The following MYO18B variants were observed in gnomAD, a reference collection of about 807,000 sequenced individuals.
MYO18B encodes the protein myosin XVIIIB.
Under a neutral mutation model 273.0 loss-of-function variants are expected in MYO18B, and 204 were observed. That is an observed-to-expected ratio of 0.75 (90% confidence interval 0.67 to 0.84). The LOEUF (loss-of-function observed/expected upper bound fraction) is 0.84, where lower values mean the gene tolerates loss of function less well. Ranked by LOEUF, MYO18B falls within the 40% of genes least tolerant of loss-of-function variation. The probability of loss-of-function intolerance (pLI) is 0.00; values close to 1 mark genes in which losing one functional copy is unlikely to be tolerated. For missense variants in MYO18B, 3,212 were observed against 3,287.6 expected (o/e 0.98, Z 0.56); for synonymous variants, 1,330 against 1,305.7 (o/e 1.02, Z -0.40).
chr22:25,907,696 G>A (rs749676014), intron 31 of MYO18B, among the ~76,000 whole-genome samples: 11 of 152,076 alleles, frequency 7.2e-5, no homozygotes, highest in South Asian at 2.1e-4. Flanking sequence ...GAAAACCATC[G>A]CTGTTGCCTG....
chr22:25,931,681 CTTTTTTTT>C (rs71311530), intron 34 of MYO18B, among the ~76,000 whole-genome samples: 12 of 123,518 alleles, frequency 9.7e-5, no homozygotes, highest in African/African-American at 1.6e-4. Context: ...TTTCTTTTTT[CTTTTTTTT>C]TTTTTTTTTT....
chr22:25,955,170 C>T lies in MYO18B; in HGVS notation c.5971-9C>T, dbSNP rs1201803689. 4 of 1,590,820 alleles carry T rather than the reference C, an allele frequency of 2.5e-6. No homozygotes were observed. Among genetic ancestry groups the T allele is most frequent in the African/African-American group, 1.3e-5 (1 of 74,538 alleles). On this transcript the variant is annotated splice_polypyrimidine_tract_variant and intron_variant, in intron 38 of 43. Transcript: ENST00000335473. ...CTCCAAGGTGGGCATGTGTCTCTGC[C>T]CCTCCCAGGTCCTGGTGATCCGGCT...
At chr22:25,960,626 C>T (rs2092908001) in intron 39 of MYO18B, among the ~76,000 whole-genome samples, 1 of 152,202 alleles carries the variant, frequency 6.6e-6, no homozygotes, top group African/African-American at 2.4e-5. Flanking sequence ...CTCCCTCTCG[C>T]TCACATAGCT....
intron 39 of MYO18B, among the ~76,000 whole-genome samples, chr22:25,979,041 G>C (rs1408566495): frequency 6.6e-6 from 1 of 152,216 alleles, no homozygotes; most frequent in African/African-American, 2.4e-5. Context: ...GCAAGAGATT[G>C]TATTGATGAG....
At chr22:25,792,497 CTTTTTTTTTTTTTT>C (rs58679561) in intron 11 of MYO18B, among the ~76,000 whole-genome samples, 1 of 107,956 alleles carries the variant, frequency 9.3e-6, no homozygotes, top group Non-Finnish European at 1.7e-5. Context: ...TTTTTCTTTT[CTTTTTTTTTTTTTT>C]TTGAGACAGA....
intron 34 of MYO18B, among the ~76,000 whole-genome samples, chr22:25,927,607 T>G (rs2092439601): frequency 6.6e-6 from 1 of 152,206 alleles, no homozygotes; most frequent in Non-Finnish European, 1.5e-5. Flanking sequence ...TCCACTTGCC[T>G]TGTTGTATTC....
chr22:25,851,203 G>T (rs932009809), intron 20 of MYO18B, among the ~76,000 whole-genome samples: 2 of 152,152 alleles, frequency 1.3e-5, no homozygotes, highest in Non-Finnish European at 2.9e-5. Context: ...TCCAAGAGGC[G>T]GATGAGTGTG....
intron 13 of MYO18B, among the ~76,000 whole-genome samples, 186 bp from the exon 14 acceptor site, chr22:25,826,223 G>A (rs2089484636): frequency 6.6e-6 from 1 of 152,180 alleles, no homozygotes; most frequent in Non-Finnish European, 1.5e-5. Context: ...TACATAGGAC[G>A]CTGTAGGCCC....
chr22:26,019,307 A>G (rs1935620043), intron 42 of MYO18B, among the ~76,000 whole-genome samples: 1 of 152,216 alleles, frequency 6.6e-6, no homozygotes, highest in Admixed American at 6.5e-5. Context: ...GTTGGGAGCC[A>G]TGGGCCTGGG....
Position 25,903,635 on chromosome 22 carries a change from A to G in MYO18B, c.4952A>G (p.Lys1651Arg). 6.2e-7 allele frequency: 1 copy of G among 1,603,016 alleles called. No individual in the cohort carries two copies. The highest frequency in any genetic ancestry group is 8.5e-7 in the Non-Finnish European group (1 of 1,174,608). Residue 1651 changes from lysine to arginine, a missense_variant, in exon 31 of 44, where the codon AAG becomes AGG. Physicochemically the swap from Lys to Arg is conservative, Grantham distance 26. Coordinates refer to ENST00000335473, the MANE Select transcript of MYO18B (RefSeq NM_032608.7). The part of the protein sequence containing the change: ...LGQLQQQLKQ[K>R]EQEASQLKQQ... ...CTGTCCTCTTTGTCTCTGTAGCAAA[A>G]GGAGCAGGAAGCCTCACAGCTGAAG...
At chr22:26,009,761 A>C (rs139607963) in intron 42 of MYO18B, among the ~76,000 whole-genome samples, 3 of 151,924 alleles carry the variant, frequency 2.0e-5, no homozygotes, top group African/African-American at 7.3e-5. Flanking sequence ...CTTATCTCCA[A>C]ATGCCAGGGT....
chr22:26,058,186 A>T, the MYO18B span, among the ~76,000 whole-genome samples: 1 of 152,242 alleles, frequency 6.6e-6, no homozygotes, highest in South Asian at 2.1e-4. Flanking sequence ...TCAAAGTACT[A>T]GGGCAGACCA....
chr22:25,845,272 A>G (rs2090201519), intron 18 of MYO18B, among the ~76,000 whole-genome samples: 1 of 152,204 alleles, frequency 6.6e-6, no homozygotes, highest in Admixed American at 6.5e-5. Context: ...TAATCCTGGC[A>G]CTTTGGGAGG....
chr22:25,858,271 T>C (rs2090631433), intron 21 of MYO18B, among the ~76,000 whole-genome samples: 1 of 152,204 alleles, frequency 6.6e-6, no homozygotes, highest in Admixed American at 6.5e-5. Context: ...TGTATGACCA[T>C]AGGCAACATA....
At chr22:25,783,944 G>A (rs1366185694) in intron 10 of MYO18B, among the ~76,000 whole-genome samples, 2 of 152,130 alleles carry the variant, frequency 1.3e-5, no homozygotes, top group Non-Finnish European at 2.9e-5. Flanking sequence ...AACTTGGTCC[G>A]TCACCCATAT....
At chr22:25,838,538 A>T (rs541240202) in intron 17 of MYO18B, among the ~76,000 whole-genome samples, 105 of 152,334 alleles carry the variant, frequency 6.9e-4, no homozygotes, top group African/African-American at 1.9e-3. Context: ...ACAAATGGTG[A>T]TTCCATAAGA....
chr22:25,742,911 C>A (rs2085670643), intron 1 of MYO18B, among the ~76,000 whole-genome samples: 1 of 152,254 alleles, frequency 6.6e-6, no homozygotes, highest in African/African-American at 2.4e-5. Context: ...GGATAGCAGG[C>A]ATTTCTCTGA....
chr22:25,943,675 C>G (rs2092670834), intron 34 of MYO18B, among the ~76,000 whole-genome samples: 1 of 150,784 alleles, frequency 6.6e-6, no homozygotes, highest in Non-Finnish European at 1.5e-5. Flanking sequence ...GCGCTCTGCA[C>G]ATGGCCATCT....
chr22:25,821,496 G>A (rs947548850), intron 12 of MYO18B, among the ~76,000 whole-genome samples: 2 of 152,114 alleles, frequency 1.3e-5, no homozygotes, highest in East Asian at 3.8e-4. Flanking sequence ...GTCATTTATT[G>A]GCCGGGAGTG....
Sources: gnomAD v4.1 joint callset for allele counts (sites outside exome capture counted in the v4.1 genomes callset) on GRCh38, gnomAD v4.1.1 for gene constraint, MANE v1.5 for transcripts, NCBI Gene and HGNC (gene_info 2026-07-23, HGNC 2026-07-21) for gene names.